LRRC34: variants seen among roughly 807,000 people sequenced by gnomAD.
The protein encoded by LRRC34 is leucine rich repeat containing 34.
Under a neutral mutation model 48.5 loss-of-function variants are expected in LRRC34, and 44 were observed. That is an observed-to-expected ratio of 0.91 (90% CI 0.71 to 1.17). The LOEUF (loss-of-function observed/expected upper bound fraction) is 1.17. Among genes scored for constraint, LRRC34 ranks in the 50% most tolerant of loss-of-function variants. The pLI is 0.00. For synonymous variants in LRRC34, 192 were observed against 197.6 expected, an observed-to-expected ratio of 0.97 and a Z score of 0.24; for missense variants, 502 against 563.0, an observed-to-expected ratio of 0.89 and a Z score of 1.10.
intron 1 of LRRC34, among the ~76,000 whole-genome samples, chr3:169,809,542 T>C (rs1576749329): frequency 6.6e-6 from 1 of 152,336 alleles, no homozygotes; most frequent in South Asian, 2.1e-4. Flanking sequence ...CAGATTTCCT[T>C]AATGACCTTG....
Position 169,793,616 on chromosome 3 carries a change from T to C in LRRC34, c.*19A>G. The C allele has an allele frequency of 6.4e-7, 1 of 1,563,078 alleles. No homozygotes were observed. The highest frequency in any genetic ancestry group is 8.8e-7 in the Non-Finnish European group (1 of 1,137,906). ...AAACAATAAGACAAGTGTATGAAAA[T>C]TATTTTACAGCTACTTTTTCATGGC... On this transcript the variant is annotated 3_prime_UTR_variant, in exon 11 of 11. Coordinates refer to ENST00000446859, the MANE Select transcript of LRRC34 (RefSeq NM_001172779.2).
intron 1 of LRRC34, among the ~76,000 whole-genome samples, chr3:169,809,995 C>T (rs1384592588): frequency 2.0e-5 from 3 of 149,288 alleles, no homozygotes; most frequent in Non-Finnish European, 3.0e-5. Context: ...CTTGATCTGC[C>T]ACCCAAGCTG....
rs569559648 is a variant in LRRC34 at position 169,812,157 on chromosome 3, G to T, written c.139+253C>A. Among the ~76,000 whole-genome samples the T allele has an allele frequency of 6.6e-6, 1 of 151,406 alleles. No individual in the cohort carries two copies. Among genetic ancestry groups the T allele is most frequent in the Non-Finnish European group, 1.5e-5 (1 of 67,870 alleles). ...ATCTGCACAACCTATCGCGCAAAGGGCGGACCCACGGGAACTCCTCTCCGT... is the reference window on the plus strand; with the variant it reads ...ATCTGCACAACCTATCGCGCAAAGGTCGGACCCACGGGAACTCCTCTCCGT... On this transcript the variant is annotated intron_variant, in intron 1 of 10. Transcript: ENST00000446859. The surrounding 1 kb of genome is among the most constrained non-coding windows in gnomAD (Gnocchi z 4.3).
Position 169,793,058 on chromosome 3 carries a change from CTG to C in LRRC34, c.*575_*576del, listed in dbSNP as rs375379776. Among the ~76,000 whole-genome samples the C allele has an allele frequency of 1.4e-3, 214 of 152,278 alleles. 1 individual carries two copies. Among genetic ancestry groups the C allele is most frequent in the African/African-American group, 4.4e-3 (182 of 41,548 alleles). Reference sequence around the variant, plus strand: ...AAGGTCAAGAACAGGCAAAACTACTCTGTGGGGTTAGAAGTCAGGATAGTGGT... The same window carrying C: ...AAGGTCAAGAACAGGCAAAACTACTCTGGGGTTAGAAGTCAGGATAGTGGT... On this transcript the variant is annotated 3_prime_UTR_variant, in exon 11 of 11. Transcript: ENST00000446859.
chr3:169,795,786 T>C, intron 9 of LRRC34, 175 bp from the exon 10 acceptor site: 1 of 1,304,654 alleles, frequency 7.7e-7, no homozygotes, highest in Non-Finnish European at 9.7e-7. Flanking sequence ...ATCCTTAAGG[T>C]ACTTAGTAGA....
In LRRC34 at chr3:169,812,648, G is replaced by T; in HGVS notation, c.-100C>A. On this transcript the variant is annotated 5_prime_UTR_variant, in exon 1 of 11. Transcript: ENST00000446859. The surrounding 1 kb of genome is among the most constrained non-coding windows in gnomAD (Gnocchi z 4.3). ...GAGTCCCGCTGGCTGTGCCTGCCCG[G>T]GCCCTGAGGCCTCACTGCTAAGGCA... is the stretch of plus-strand genomic sequence containing the variant. The T allele has an allele frequency of 1.4e-6, 2 of 1,385,516 alleles. No individual in the cohort carries two copies. Among genetic ancestry groups the T allele is most frequent in the Non-Finnish European group, 1.9e-6 (2 of 1,071,800 alleles). 85.8% of individuals were successfully genotyped at this position (1,385,516 alleles called of 1,614,324 possible). A position where few individuals can be genotyped will look rare whatever the true frequency, so the allele number is the denominator to read the frequency against.
chr3:169,795,251 T>C (rs561151376), intron 10 of LRRC34: 84 of 246,270 alleles, frequency 3.4e-4, no homozygotes, highest in Non-Finnish European at 5.5e-4. Flanking sequence ...TTCTTAACCT[T>C]AGAGGAATTA....
Position 169,793,378 on chromosome 3 carries a change from A to G in LRRC34, c.*257T>C. The G allele has an allele frequency of 3.3e-6, 1 of 307,622 alleles. No homozygotes were observed. The highest frequency in any genetic ancestry group is 5.9e-6 in the Non-Finnish European group (1 of 169,300). 19.1% of individuals were successfully genotyped at this position (307,622 alleles called of 1,614,324 possible). On this transcript the variant is annotated 3_prime_UTR_variant, in exon 11 of 11. Coordinates refer to ENST00000446859, the MANE Select transcript of LRRC34 (RefSeq NM_001172779.2). ...CTACTTGGTTATATTTTCATTATAAAAAGAAATTTAGTCTAGTTCCTTGGT... is the reference window on the plus strand; with the variant it reads ...CTACTTGGTTATATTTTCATTATAAGAAGAAATTTAGTCTAGTTCCTTGGT...
intron 7 of LRRC34, among the ~76,000 whole-genome samples, chr3:169,799,915 G>T (rs1779131963): frequency 6.6e-6 from 1 of 152,056 alleles, no homozygotes; most frequent in Non-Finnish European, 1.5e-5. Context: ...ATTTTGCCAT[G>T]TTGGCCAGGC....
Position 169,812,333 on chromosome 3 carries a change from C to G in LRRC34, c.139+77G>C. On this transcript the variant is annotated intron_variant, in intron 1 of 10. Coordinates refer to ENST00000446859, the MANE Select transcript of LRRC34 (RefSeq NM_001172779.2). The surrounding 1 kb of genome is among the most constrained non-coding windows in gnomAD (Gnocchi z 4.3). ...TTGGGCTGGCGGGCTGCTGGGAGGACTCCTGCCGTGCGACCCCGGCGCCCC... is the reference window on the plus strand; with the variant it reads ...TTGGGCTGGCGGGCTGCTGGGAGGAGTCCTGCCGTGCGACCCCGGCGCCCC... The G allele has an allele frequency of 6.9e-7, 1 of 1,455,676 alleles. No homozygotes were observed. The highest frequency in any genetic ancestry group is 9.0e-7 in the Non-Finnish European group (1 of 1,108,498). 90.2% of individuals were successfully genotyped at this position (1,455,676 alleles called of 1,614,324 possible). A position where few individuals can be genotyped will look rare whatever the true frequency, so the allele number is the denominator to read the frequency against.
intron 7 of LRRC34, among the ~76,000 whole-genome samples, chr3:169,798,005 A>G (rs754106942): frequency 2.6e-4 from 40 of 152,216 alleles, no homozygotes; most frequent in Non-Finnish European, 4.9e-4. Context: ...ATTTGCTGAA[A>G]TTGCTTTGAC....
intron 9 of LRRC34, 102 bp downstream of exon 9, chr3:169,796,112 A>C: frequency 7.1e-7 from 1 of 1,408,868 alleles, no homozygotes; most frequent in Middle Eastern, 2.6e-4. Flanking sequence ...TTAGAAGCTG[A>C]GTTTTCATAT....
At chr3:169,810,263 AT>A (rs1779515963) in intron 1 of LRRC34, among the ~76,000 whole-genome samples, 1 of 152,136 alleles carries the variant, frequency 6.6e-6, no homozygotes, top group Non-Finnish European at 1.5e-5. Flanking sequence ...TTAAAAAAAA[AT>A]ACATGTTAAT....
At position 169,807,719 on chromosome 3, in the gene LRRC34, T is replaced by G; in HGVS notation, c.258-10A>C. ...GATTCCTGCTGCTAGCCTGTTAAAATACAAAAAAAAAAAAAAAAAAAAAAG... is the reference window on the plus strand; with the variant it reads ...GATTCCTGCTGCTAGCCTGTTAAAAGACAAAAAAAAAAAAAAAAAAAAAAG... On this transcript the variant is annotated splice_polypyrimidine_tract_variant and intron_variant, in intron 2 of 10. Coordinates refer to ENST00000446859, the MANE Select transcript of LRRC34 (RefSeq NM_001172779.2). The G allele has an allele frequency of 3.1e-6, 2 of 650,640 alleles. No individual in the cohort carries two copies. The highest frequency in any genetic ancestry group is 3.8e-6 in the Non-Finnish European group (2 of 531,266). The allele number at this position is 650,640 out of a possible 1,614,324, so 40.3% of individuals were successfully genotyped here.
rs1376995883 is a variant in LRRC34 at position 169,796,244 on chromosome 3, G to A, written c.1034C>T (p.Thr345Ile). ...AAGACTCCTGTTGTGTGAAGTAAGAGTTTCACTGAGATAGTTTGCGCCTGC... is the reference window on the plus strand; with the variant it reads ...AAGACTCCTGTTGTGTGAAGTAAGAATTTCACTGAGATAGTTTGCGCCTGC... The part of the protein sequence containing the change: ...ENAGANYLSE[T>I]LTSHNRSLKA... Residue 345 changes from threonine (T) to isoleucine (I), a missense_variant, in exon 9 of 11, where the codon ACT (threonine) becomes ATT (isoleucine). Coordinates refer to ENST00000446859, the MANE Select transcript of LRRC34 (RefSeq NM_001172779.2). The A allele has an allele frequency of 6.2e-7, 1 of 1,611,574 alleles. No individual in the cohort carries two copies. Among genetic ancestry groups the A allele is most frequent in the Non-Finnish European group, 8.5e-7 (1 of 1,179,224 alleles).
In LRRC34 at chr3:169,812,863, G is replaced by A; in HGVS notation, c.-315C>T. ...CTACAAAGTGTGCACCGGCCTGCCG[G>A]GCCAGCGAAGAAGCAGAGTAGCATC... On this transcript the variant is annotated 5_prime_UTR_variant, in exon 1 of 11. Coordinates refer to ENST00000446859, the MANE Select transcript of LRRC34 (RefSeq NM_001172779.2). This position sits in a 1 kb window ranked among gnomAD's most constrained non-coding sequence, Gnocchi z 4.3. 1 of 346,168 alleles carries A rather than the reference G, an allele frequency of 2.9e-6. No individual in the cohort carries two copies. Among genetic ancestry groups the A allele is most frequent in the Non-Finnish European group, 5.2e-6 (1 of 190,672 alleles). 21.4% of individuals were successfully genotyped at this position (346,168 alleles called of 1,614,324 possible).
intron 5 of LRRC34, among the ~76,000 whole-genome samples, chr3:169,805,647 G>T (rs1189375116): frequency 2.0e-5 from 3 of 152,100 alleles, no homozygotes; most frequent in African/African-American, 2.4e-5. Context: ...CACTTTGGGA[G>T]GCCGAGGTGG....
Position 169,800,717 on chromosome 3 carries a change from G to A in LRRC34, c.695C>T (p.Thr232Ile). 7 of 1,535,226 alleles carry A rather than the reference G, an allele frequency of 4.6e-6. No homozygotes were observed. Among genetic ancestry groups the A allele is most frequent in the Non-Finnish European group, 6.1e-6 (7 of 1,146,668 alleles). Residue 232 changes from threonine (T) to isoleucine (I), a missense_variant, in exon 7 of 11, where the codon ACT becomes ATT. Coordinates refer to ENST00000446859, the MANE Select transcript of LRRC34 (RefSeq NM_001172779.2). ...QSVIAFATVLTQNQAIKAINL... is the reference protein window; with the variant it reads ...QSVIAFATVLIQNQAIKAINL... ...TATTGCCTTAATTGCTTGGTTTTGA[G>A]TTAGTACTGTAGCAAATGCTATCAC...
In LRRC34 at chr3:169,793,076, G is replaced by C. The variant is rs1220345409; in HGVS notation, c.*559C>G. Among the ~76,000 whole-genome samples, 1 of 152,216 alleles carries C rather than the reference G, an allele frequency of 6.6e-6. No individual in the cohort carries two copies. The highest frequency in any genetic ancestry group is 1.5e-5 in the Non-Finnish European group (1 of 68,040). On this transcript the variant is annotated 3_prime_UTR_variant, in exon 11 of 11. Coordinates refer to ENST00000446859, the MANE Select transcript of LRRC34 (RefSeq NM_001172779.2). Reference sequence around the variant, plus strand: ...AACTACTCTGTGGGGTTAGAAGTCAGGATAGTGGTTATGAGAGGAGAGTGG... The same window carrying C: ...AACTACTCTGTGGGGTTAGAAGTCACGATAGTGGTTATGAGAGGAGAGTGG...
Sources: allele counts gnomAD v4.1 joint callset (sites outside exome capture counted in the v4.1 genomes callset), GRCh38; gene constraint gnomAD v4.1.1; non-coding constraint Gnocchi (gnomAD v3.1); transcripts MANE v1.5; gene names NCBI Gene and HGNC (gene_info 2026-07-23, HGNC 2026-07-21).